Variants in SOX5 observed in about 807,000 individuals in gnomAD.
SOX5 encodes the protein transcription factor SOX-5.
Under a neutral mutation model 92.0 loss-of-function variants are expected in SOX5, and 9 were observed. That is an observed-to-expected ratio of 0.10 (90% CI 0.06 to 0.17). The LOEUF (loss-of-function observed/expected upper bound fraction) is 0.17, where lower values mean the gene tolerates loss of function less well. SOX5 is among the 10% of genes least tolerant of loss of function. SOX5 has a pLI of 1.00. For missense variants in SOX5, 642 were observed against 944.5 expected (o/e 0.68, Z 4.20); for synonymous variants, 344 against 336.3 (o/e 1.02, Z -0.25).
At chr12:24,406,262 C>T (rs1596343576) in intron 1 of SOX5, among the ~76,000 whole-genome samples, 3 of 152,128 alleles carry the variant, frequency 2.0e-5, no homozygotes, top group Admixed American at 2.0e-4. Flanking sequence ...TATCTGAAAC[C>T]AGGTGCTGAG....
chr12:24,478,270 A>T (rs969226126), intron 1 of SOX5, among the ~76,000 whole-genome samples: 1 of 152,210 alleles, frequency 6.6e-6, no homozygotes, highest in Admixed American at 6.5e-5. Context: ...AGGTTCATAA[A>T]GGATCAAATT....
At chr12:24,272,588 T>G (rs550107459) in intron 3 of SOX5, among the ~76,000 whole-genome samples, 14 of 152,314 alleles carry the variant, frequency 9.2e-5, no homozygotes, top group Non-Finnish European at 2.1e-4. Context: ...GATGTTGAAA[T>G]TTATTAAATG....
At chr12:23,559,118 A>C (rs1945757491) in intron 11 of SOX5, among the ~76,000 whole-genome samples, 1 of 152,138 alleles carries the variant, frequency 6.6e-6, no homozygotes, top group African/African-American at 2.4e-5. Flanking sequence ...GGACAACAAA[A>C]ACTGAGCTTT....
intron 4 of SOX5, among the ~76,000 whole-genome samples, chr12:24,009,101 G>C (rs2136494021): frequency 6.6e-6 from 1 of 152,302 alleles, no homozygotes; most frequent in Middle Eastern, 3.4e-3. Context: ...AGACATGTCA[G>C]CCATATAAGC....
chr12:23,687,534 A>G lies in SOX5; in HGVS notation c.811-21970T>C, dbSNP rs377487962. 2.9e-4 allele frequency among the ~76,000 whole-genome samples: 44 copies of G among 152,204 alleles called. No homozygotes were observed. The East Asian group carries it at 6.4e-3, about 22-fold the overall frequency. The stretch of plus-strand genomic sequence containing the variant: ...CACTTTCAATAAGCAAGGGACTCAC[A>G]GAATTTTAAATATATCTAAACCCTT... On this transcript the variant is annotated intron_variant, in intron 6 of 14. Transcript: ENST00000451604.
In SOX5 at chr12:24,097,992, A is replaced by G. The variant is rs76097284; in HGVS notation, c.-2+115351T>C. On this transcript the variant is annotated intron_variant, in intron 4 of 4. Transcript: ENST00000446891. ...ATCTACACTATTCTATGTCACATCT[A>G]TGATCTTCCACGGTTTCCTACTTTA... Among the ~76,000 whole-genome samples the G allele has an allele frequency of 5.6e-3, 848 of 152,272 alleles. 4 individuals carry two copies. The highest frequency in any genetic ancestry group is 0.02 in the East Asian group (102 of 5,182).
chr12:24,476,737 G>A (rs886330337), intron 1 of SOX5, among the ~76,000 whole-genome samples: 1 of 152,156 alleles, frequency 6.6e-6, no homozygotes, highest in African/African-American at 2.4e-5. Flanking sequence ...AGAAGGAACA[G>A]TGTTTATTCA....
At chr12:24,499,338 G>A (rs1947956235) in intron 1 of SOX5, among the ~76,000 whole-genome samples, 1 of 152,178 alleles carries the variant, frequency 6.6e-6, no homozygotes, top group African/African-American at 2.4e-5. Flanking sequence ...GGAATGTCTT[G>A]CATCTCCTGG....
chr12:24,344,705 C>T (rs1200276946), intron 2 of SOX5, among the ~76,000 whole-genome samples: 3 of 152,254 alleles, frequency 2.0e-5, no homozygotes, highest in Admixed American at 6.5e-5. Flanking sequence ...TGTGAGAGCA[C>T]GCCAATGTGC....
Position 24,191,665 on chromosome 12 carries a change from C to T in SOX5, c.-2+21678G>A, listed in dbSNP as rs189800517. ...TCCTTGTTGGTGATTTTCTCCAATTCTCAATGACCAGCCTTCCATTGTCCC... is the reference window on the plus strand; with the variant it reads ...TCCTTGTTGGTGATTTTCTCCAATTTTCAATGACCAGCCTTCCATTGTCCC... On this transcript the variant is annotated intron_variant, in intron 4 of 4. Transcript: ENST00000446891. 2.6e-5 allele frequency among the ~76,000 whole-genome samples: 4 copies of T among 152,328 alleles called. No individual in the cohort carries two copies. In the East Asian group the frequency reaches 7.7e-4, roughly 29 times the overall value.
Position 23,653,108 on chromosome 12 carries a change from G to C in SOX5, c.932-12211C>G, listed in dbSNP as rs568968510. On this transcript the variant is annotated intron_variant, in intron 7 of 14. Coordinates refer to ENST00000451604, the MANE Select transcript of SOX5 (RefSeq NM_006940.6). ...GATGCCAGTATGATCTCAATCCTAG[G>C]CTTCAGACCTTTCGTGGTTTTCTGG... 6.2e-4 allele frequency among the ~76,000 whole-genome samples: 94 copies of C among 151,628 alleles called. No individual in the cohort carries two copies. In the South Asian group the frequency reaches 0.019, roughly 31 times the overall value.
At chr12:23,606,858 G>T (rs2075315544) in intron 8 of SOX5, among the ~76,000 whole-genome samples, 1 of 152,074 alleles carries the variant, frequency 6.6e-6, no homozygotes, top group Admixed American at 6.6e-5. Flanking sequence ...CTTTTGAGTT[G>T]AAAGGGAAGA....
chr12:23,565,640 T>C (rs1377925407), intron 10 of SOX5, among the ~76,000 whole-genome samples: 1 of 152,214 alleles, frequency 6.6e-6, no homozygotes, highest in Non-Finnish European at 1.5e-5. Context: ...GACAGACCTA[T>C]GTTCTGTAAT....
At position 24,264,615 on chromosome 12, in the gene SOX5, G is replaced by A. The variant is rs565122584; in HGVS notation, c.-77+12601C>T. Among the ~76,000 whole-genome samples, 10 of 152,102 alleles carry A rather than the reference G, an allele frequency of 6.6e-5. No homozygotes were observed. The East Asian group carries it at 1.7e-3, about 26-fold the overall frequency. On this transcript the variant is annotated intron_variant, in intron 3 of 4. Coordinates refer to the SOX5 transcript ENST00000446891. ...TTTGCTTCATCCTCTGCATCCTTTC[G>A]TTAGAATAATCACGTCTTCAAATTA...
chr12:23,575,800 G>C lies in SOX5; in HGVS notation c.1203C>G (p.Pro401=), dbSNP rs1225767625. The part of the protein sequence containing the change: ...VAQPLNLSAK[P]KTSDGKSPTS... Reference sequence around the variant, plus strand: ...TGGGTGATTTGCCATCAGAGGTCTTGGGTTTAGCTGATAGGTTCAGTGGCT... The same window carrying C: ...TGGGTGATTTGCCATCAGAGGTCTTCGGTTTAGCTGATAGGTTCAGTGGCT... Residue 401 remains proline, a synonymous_variant, in exon 10 of 15, where the codon CCC becomes CCG. Coordinates refer to ENST00000451604, the MANE Select transcript of SOX5 (RefSeq NM_006940.6). 2.5e-6 allele frequency: 4 copies of C among 1,602,546 alleles called. No individual in the cohort carries two copies. The highest frequency in any genetic ancestry group is 3.4e-6 in the Non-Finnish European group (4 of 1,174,738).
chr12:24,230,519 C>T (rs183954824), intron 3 of SOX5: 1 of 152,174 alleles, frequency 6.6e-6, no homozygotes, highest in East Asian at 1.9e-4. Flanking sequence ...TGTACCCCAG[C>T]TTAGTGTTAA....
At chr12:23,675,314 T>C (rs2085488434) in intron 6 of SOX5, among the ~76,000 whole-genome samples, 1 of 152,174 alleles carries the variant, frequency 6.6e-6, no homozygotes, top group Non-Finnish European at 1.5e-5. Flanking sequence ...CAAGAGACCT[T>C]TTATTCTTCT....
At chr12:24,146,881 CA>C (rs1209089917) in intron 4 of SOX5, among the ~76,000 whole-genome samples, 2 of 151,864 alleles carry the variant, frequency 1.3e-5, no homozygotes, top group East Asian at 3.9e-4. Flanking sequence ...ACAACTTACA[CA>C]AAATGAACAT....
chr12:24,505,763 C>T lies in SOX5; in HGVS notation c.-251+56566G>A, dbSNP rs79228364. ...ATTTGTATGTAAATCACTCTCCTAA[C>T]AGCATATGTCATGCTTCCTTGCTTA... On this transcript the variant is annotated intron_variant, in intron 1 of 4. Coordinates refer to the SOX5 transcript ENST00000446891. Among the ~76,000 whole-genome samples the T allele has an allele frequency of 4.0e-3, 604 of 152,270 alleles. 7 individuals carry two copies. Among genetic ancestry groups the T allele is most frequent in the African/African-American group, 0.013 (546 of 41,556 alleles).
Sources: allele counts gnomAD v4.1 joint callset (sites outside exome capture counted in the v4.1 genomes callset), GRCh38; gene constraint gnomAD v4.1.1; transcripts MANE v1.5; gene names NCBI Gene and HGNC (gene_info 2026-07-23, HGNC 2026-07-21).